CRB1: variants seen among roughly 807,000 people sequenced by gnomAD.
The protein encoded by CRB1 is crumbs cell polarity complex component 1, also known as protein crumbs homolog 1.
Under a neutral mutation model 120.0 loss-of-function variants are expected in CRB1, and 83 were observed. That is an observed-to-expected ratio of 0.69 (90% confidence interval 0.58 to 0.83). The LOEUF is 0.83. CRB1 is among the 40% of genes least tolerant of loss of function. The pLI is 0.00. For missense variants in CRB1, 1,699 were observed against 1,687.6 expected (o/e 1.01, Z -0.12); for synonymous variants, 625 against 612.5 (o/e 1.02, Z -0.30).
chr1:197,438,390 A>G (rs1190594211), intron 9 of CRB1, among the ~76,000 whole-genome samples, 157 bp from the exon 10 acceptor site: 1 of 152,198 alleles, frequency 6.6e-6, no homozygotes. Flanking sequence ...GGAGAAAGTG[A>G]TTCTTGCATA....
At chr1:197,229,554 C>G in the CRB1 span, among the ~76,000 whole-genome samples, 2 of 152,066 alleles carry the variant, frequency 1.3e-5, no homozygotes, top group Non-Finnish European at 2.9e-5. Context: ...ATCCCGTCAC[C>G]CAGGTAGTGA....
intron 11 of CRB1, among the ~76,000 whole-genome samples, chr1:197,458,212 G>C (rs1226243267): frequency 6.6e-6 from 1 of 152,036 alleles, no homozygotes; most frequent in Non-Finnish European, 1.5e-5. Flanking sequence ...GGAAAAATGG[G>C]TGGTACCAGA....
the CRB1 span, among the ~76,000 whole-genome samples, chr1:197,259,534 G>T: frequency 6.6e-6 from 1 of 152,152 alleles, no homozygotes. Context: ...TCAGTGGGGT[G>T]GGGGCAAGGG....
chr1:197,473,861 A>G (rs1294640103), intron 11 of CRB1, among the ~76,000 whole-genome samples: 1 of 152,028 alleles, frequency 6.6e-6, no homozygotes, highest in Non-Finnish European at 1.5e-5. Context: ...AGCAAAAAAA[A>G]AAAAGCCTTT....
chr1:197,323,500 T>C (rs1658320231), intron 1 of CRB1, among the ~76,000 whole-genome samples: 1 of 152,184 alleles, frequency 6.6e-6, no homozygotes, highest in Admixed American at 6.5e-5. Context: ...GTCTATTCCA[T>C]AGTAAAAGGG....
intron 6 of CRB1, among the ~76,000 whole-genome samples, chr1:197,422,493 T>C (rs1036689113): frequency 1.3e-5 from 2 of 151,448 alleles, no homozygotes; most frequent in Non-Finnish European, 1.5e-5. Flanking sequence ...TTCAAAGGTA[T>C]CTTTTCCAAG....
At chr1:197,465,458 C>A (rs1033219057) in intron 11 of CRB1, among the ~76,000 whole-genome samples, 1 of 152,114 alleles carries the variant, frequency 6.6e-6, no homozygotes, top group South Asian at 2.1e-4. Flanking sequence ...GAAAGCCTGA[C>A]TTCTGAAACA....
chr1:197,463,457 A>G (rs1158644790), intron 11 of CRB1, among the ~76,000 whole-genome samples: 1 of 152,180 alleles, frequency 6.6e-6, no homozygotes, highest in Middle Eastern at 3.2e-3. Flanking sequence ...CCTGAAATAT[A>G]AAATAACCAT....
chr1:197,421,037 A>T lies in CRB1; in HGVS notation c.1209A>T (p.Ser403=). The change falls in exon 6 of 12, where the codon TCA becomes TCT. Residue 403 remains serine (S), a synonymous_variant. Coordinates refer to ENST00000367400, the MANE Select transcript of CRB1 (RefSeq NM_201253.3). ...AAGAAGACGTCAATGAATGTTCTTC[A>T]AACCCTTGCCAAAATGGTGGTACTT... ...HCEEDVNECS[S]NPCQNGGTCE... 2 of 1,614,078 alleles carry T rather than the reference A, an allele frequency of 1.2e-6. No individual in the cohort carries two copies. Among genetic ancestry groups the T allele is most frequent in the Non-Finnish European group, 1.7e-6 (2 of 1,179,902 alleles).
intron 1 of CRB1, among the ~76,000 whole-genome samples, chr1:197,319,371 T>C (rs758141659): frequency 1.6e-5 from 2 of 122,580 alleles, no homozygotes; most frequent in Admixed American, 1.2e-4. Flanking sequence ...GAGGTTGCAA[T>C]GAGCTGAGAT....
intron 5 of CRB1, among the ~76,000 whole-genome samples, chr1:197,415,641 C>CTTTTTTTTTTTTTTTTTTTTTTTTTTTT (rs55654070): frequency 5.3e-5 from 5 of 94,010 alleles, no homozygotes; most frequent in Non-Finnish European, 9.7e-5. Flanking sequence ...TTTTTCTTTT[C>CTTTTTTTTTTTTTTTTTTTTTTTTTTTT]TTTTTTTTTT....
In CRB1 at chr1:197,429,188, A is replaced by G. The variant is rs1461309935; in HGVS notation, c.2677-261A>G. ...TTTGTAAATTACAGAGGACACTGCT[A>G]TACTTGAAAAACCCTCCTTGTGCTA... is the stretch of plus-strand genomic sequence containing the variant. On this transcript the variant is annotated intron_variant, in intron 7 of 11. Transcript: ENST00000367400. 7.9e-6 allele frequency: 12 copies of G among 1,516,636 alleles called. No homozygotes were observed. The Admixed American group carries it at 1.8e-4, about 23-fold the overall frequency. 93.9% of individuals were successfully genotyped at this position (1,516,636 alleles called of 1,614,324 possible).
chr1:197,341,084 C>A (rs1016812869), intron 2 of CRB1, among the ~76,000 whole-genome samples: 2 of 152,114 alleles, frequency 1.3e-5, no homozygotes, highest in African/African-American at 4.8e-5. Flanking sequence ...CAGGAAAGAC[C>A]TGCCCCCATG....
chr1:197,211,052 C>T, the CRB1 span, among the ~76,000 whole-genome samples: 2 of 152,154 alleles, frequency 1.3e-5, no homozygotes, highest in South Asian at 2.1e-4. Flanking sequence ...GCATCACAAA[C>T]GTAAAATACC....
intron 5 of CRB1, among the ~76,000 whole-genome samples, chr1:197,385,634 G>A (rs891636036): frequency 4.6e-5 from 7 of 151,782 alleles, no homozygotes; most frequent in African/African-American, 1.2e-4. Context: ...TTATTATTAG[G>A]GTTATTATGA....
Position 197,435,619 on chromosome 1 carries a change from A to G in CRB1, c.3749+7A>G. ...TTACAGGAAAATTTTGCAGGTGAGC[A>G]TAAAGTCCATATGAAGCTTGGTCTT... On this transcript the variant is annotated splice_region_variant and intron_variant, in intron 9 of 11. Transcript: ENST00000367400. 1.2e-6 allele frequency: 2 copies of G among 1,607,926 alleles called. No homozygotes were observed. Among genetic ancestry groups the G allele is most frequent in the Non-Finnish European group, 1.7e-6 (2 of 1,176,292 alleles).
At chr1:197,351,187 C>CA (rs780090689) in intron 4 of CRB1, among the ~76,000 whole-genome samples, 2,176 of 85,326 alleles carry the variant, frequency 0.026, 51 homozygotes, top group African/African-American at 0.073. Context: ...ACTAAAAATA[C>CA]AAAAAAAAAA....
chr1:197,348,152 G>C (rs1659883067), intron 4 of CRB1, among the ~76,000 whole-genome samples: 1 of 152,198 alleles, frequency 6.6e-6, no homozygotes, highest in Admixed American at 6.5e-5. Context: ...CAATAGAGCT[G>C]AACAATTCCT....
intron 1 of CRB1, among the ~76,000 whole-genome samples, chr1:197,324,825 A>G (rs1473621855): frequency 6.6e-6 from 1 of 152,208 alleles, no homozygotes; most frequent in Non-Finnish European, 1.5e-5. Flanking sequence ...ACTAGAACCA[A>G]AATTTAAATC....
Sources: gnomAD v4.1 joint callset for allele counts (sites outside exome capture counted in the v4.1 genomes callset) on GRCh38, gnomAD v4.1.1 for gene constraint, MANE v1.5 for transcripts, NCBI Gene and HGNC (gene_info 2026-07-23, HGNC 2026-07-21) for gene names.